Variants in CACNA2D4 observed in about 807,000 individuals in gnomAD.
CACNA2D4 encodes voltage-dependent calcium channel subunit alpha-2/delta-4.
A neutral mutation model predicts 163.8 loss-of-function variants in CACNA2D4; 157 were observed. That is an observed-to-expected ratio of 0.96 (90% CI 0.84 to 1.09). The LOEUF is 1.09. Among genes scored for constraint, CACNA2D4 ranks in the 50% least tolerant of loss-of-function variants. The probability of loss-of-function intolerance (pLI) is 0.00; values close to 1 mark genes in which losing one functional copy is unlikely to be tolerated. For synonymous variants in CACNA2D4, 598 were observed against 586.9 expected, an observed-to-expected ratio of 1.02 and a Z score of -0.27; for missense variants, 1,410 against 1,479.9, an observed-to-expected ratio of 0.95 and a Z score of 0.78.
intron 26 of CACNA2D4, 119 bp from the exon 27 acceptor site, chr12:1,811,842 G>T: frequency 2.0e-6 from 2 of 983,450 alleles, no homozygotes; most frequent in Non-Finnish European, 3.1e-6. Context: ...CGCAGCGGAT[G>T]GGAGGACTGA....
At chr12:1,915,714 T>A (rs968159139) in intron 1 of CACNA2D4, among the ~76,000 whole-genome samples, 1 of 152,212 alleles carries the variant, frequency 6.6e-6, no homozygotes, top group Non-Finnish European at 1.5e-5. Context: ...CTCTCGCCCA[T>A]GCCCCAGAAA....
At chr12:1,849,246 T>C (rs2154448080) in intron 23 of CACNA2D4, among the ~76,000 whole-genome samples, 1 of 152,348 alleles carries the variant, frequency 6.6e-6, no homozygotes, top group East Asian at 1.9e-4. Flanking sequence ...GAGTTCAAAT[T>C]GATATTTCTA....
chr12:1,839,733 C>G (rs1391804918), intron 26 of CACNA2D4, among the ~76,000 whole-genome samples: 4 of 152,186 alleles, frequency 2.6e-5, no homozygotes, highest in Admixed American at 2.6e-4. Flanking sequence ...GAGTCACAGT[C>G]CCACTTCCCT....
chr12:1,848,034 C>T lies in CACNA2D4; in HGVS notation c.2247-1345G>A, dbSNP rs189309933. Among the ~76,000 whole-genome samples the T allele has an allele frequency of 2.6e-5, 4 of 152,292 alleles. No individual in the cohort carries two copies. In the East Asian group the frequency reaches 7.7e-4, roughly 29 times the overall value. ...ATCTCTTATTTGTCTGTCTGTCTCTCTCTGTCTTTATTGAGATATCGTTCA... is the reference window on the plus strand; with the variant it reads ...ATCTCTTATTTGTCTGTCTGTCTCTTTCTGTCTTTATTGAGATATCGTTCA... On this transcript the variant is annotated intron_variant, in intron 23 of 37. Transcript: ENST00000382722.
intron 18 of CACNA2D4, among the ~76,000 whole-genome samples, chr12:1,872,734 C>A (rs557567545): frequency 6.6e-6 from 1 of 152,102 alleles, no homozygotes; most frequent in African/African-American, 2.4e-5. Context: ...GGCCCCACAC[C>A]AGCAAAATGC....
intron 34 of CACNA2D4, 31 bp from the exon 35 acceptor site, chr12:1,797,566 G>T: frequency 6.6e-7 from 1 of 1,511,106 alleles, no homozygotes; most frequent in Non-Finnish European, 9.0e-7. Flanking sequence ...TCACGCCACC[G>T]AAGGGGCCTC....
Position 1,828,356 on chromosome 12 carries a change from A to G in CACNA2D4, c.2551+12383T>C. On this transcript the variant is annotated intron_variant, in intron 26 of 37. Coordinates refer to ENST00000382722, the MANE Select transcript of CACNA2D4 (RefSeq NM_172364.5). The surrounding 1 kb of genome is among the most constrained non-coding windows in gnomAD (Gnocchi z 4.2). ...AGATCTTCCTGGGGTACCCGAGGCT[A>G]TGTTCTGGGAAGCCAGGGTCACGCC... The G allele has an allele frequency of 1.4e-6, 1 of 711,100 alleles. No homozygotes were observed. The allele number at this position is 711,100 out of a possible 1,614,324, so 44.0% of individuals were successfully genotyped here. A position where few individuals can be genotyped will look rare whatever the true frequency, so the allele number is the denominator to read the frequency against.
At chr12:1,915,903 A>AC (rs1407985326) in intron 1 of CACNA2D4, among the ~76,000 whole-genome samples, 1 of 152,178 alleles carries the variant, frequency 6.6e-6, no homozygotes, top group African/African-American at 2.4e-5. Context: ...GCCTGGAGCC[A>AC]CCCCACAGTC....
rs1865789652 is a variant in CACNA2D4 at position 1,871,663 on chromosome 12, C to T, written c.1878+2941G>A. Among the ~76,000 whole-genome samples, 3 of 149,846 alleles carry T rather than the reference C, an allele frequency of 2.0e-5. No individual in the cohort carries two copies. The South Asian group carries it at 6.4e-4, about 32-fold the overall frequency. ...TTACTGGTGTGTGTACACGTGTGTG[C>T]TGCTGGTATGTGTGTACACATGTGC... On this transcript the variant is annotated intron_variant, in intron 18 of 37. Coordinates refer to ENST00000382722, the MANE Select transcript of CACNA2D4 (RefSeq NM_172364.5).
chr12:1,819,014 AAAAG>A (rs1863990234), intron 26 of CACNA2D4, among the ~76,000 whole-genome samples: 1 of 151,722 alleles, frequency 6.6e-6, no homozygotes. Context: ...AAAAAAAAAA[AAAAG>A]GAAAGGAGAT....
intron 26 of CACNA2D4, among the ~76,000 whole-genome samples, chr12:1,821,675 A>G (rs1864108916): frequency 1.3e-5 from 2 of 152,156 alleles, no homozygotes; most frequent in Non-Finnish European, 2.9e-5. Context: ...CACAGGGGGC[A>G]TGGACACCCT....
intron 26 of CACNA2D4, chr12:1,835,526 C>T (rs989133135): frequency 2.6e-5 from 4 of 152,576 alleles, no homozygotes; most frequent in African/African-American, 9.6e-5. Context: ...CCTGAGACCA[C>T]AGAGCCTCTC....
intron 27 of CACNA2D4, among the ~76,000 whole-genome samples, 174 bp downstream of exon 27, chr12:1,811,488 G>A (rs1295202214): frequency 6.6e-6 from 1 of 152,210 alleles, no homozygotes; most frequent in Admixed American, 6.5e-5. Context: ...CTGGGGACCA[G>A]CGCTGAGGCC....
intron 26 of CACNA2D4, among the ~76,000 whole-genome samples, chr12:1,817,965 C>T (rs1863936440): frequency 6.6e-6 from 1 of 151,404 alleles, no homozygotes; most frequent in Non-Finnish European, 1.5e-5. Context: ...ATGTGAGGAG[C>T]CTCTCTGTCT....
intron 27 of CACNA2D4, among the ~76,000 whole-genome samples, chr12:1,810,879 G>A (rs1863683772): frequency 6.6e-6 from 1 of 152,224 alleles, no homozygotes; most frequent in Non-Finnish European, 1.5e-5. Context: ...GTATGCATGT[G>A]GTATGTGGCC....
At chr12:1,896,218 G>A (rs2263027) in intron 6 of CACNA2D4, among the ~76,000 whole-genome samples, 138,379 of 152,222 alleles carry the variant, frequency 0.91, 63,025 homozygotes, top group East Asian at 1. Context: ...ACAGGCAACA[G>A]AAACAAAACA....
chr12:1,917,781 G>A lies in CACNA2D4; in HGVS notation c.227+466C>T, dbSNP rs151098553. On this transcript the variant is annotated intron_variant, in intron 1 of 37. Transcript: ENST00000382722. The surrounding 1 kb of genome is among the most constrained non-coding windows in gnomAD (Gnocchi z 4.3). Reference sequence around the variant, plus strand: ...TTCCTGGACAAGCCACCTCCTGTGCGCATGAGACGTTCTGTGGGTTCAGAA... The same window carrying A: ...TTCCTGGACAAGCCACCTCCTGTGCACATGAGACGTTCTGTGGGTTCAGAA... Among the ~76,000 whole-genome samples the A allele has an allele frequency of 6.6e-6, 1 of 152,316 alleles. No homozygotes were observed. The highest frequency in any genetic ancestry group is 1.9e-4 in the East Asian group (1 of 5,188).
chr12:1,798,379 A>T lies in CACNA2D4; in HGVS notation c.2996-844T>A, dbSNP rs1457103406. Among the ~76,000 whole-genome samples the T allele has an allele frequency of 6.6e-6, 1 of 152,148 alleles. No homozygotes were observed. The highest frequency in any genetic ancestry group is 1.5e-5 in the Non-Finnish European group (1 of 67,996). ...AGGTGTGAGCTACCTTCCCAGGCTC[A>T]TGCAGAGTCCTACAGGAGAGCATGG... On this transcript the variant is annotated intron_variant, in intron 34 of 37. Coordinates refer to ENST00000382722, the MANE Select transcript of CACNA2D4 (RefSeq NM_172364.5). The surrounding 1 kb of genome is among the most constrained non-coding windows in gnomAD (Gnocchi z 4.3).
chr12:1,884,115 T>A, intron 12 of CACNA2D4, 128 bp downstream of exon 12: 1 of 708,946 alleles, frequency 1.4e-6, no homozygotes, highest in Non-Finnish European at 2.4e-6. Context: ...GAGGCTGCTG[T>A]TCTTGACATA....
Sources: gnomAD v4.1 joint callset for allele counts (sites outside exome capture counted in the v4.1 genomes callset) on GRCh38, gnomAD v4.1.1 for gene constraint, Gnocchi (gnomAD v3.1) non-coding constraint, MANE v1.5 for transcripts, NCBI Gene and HGNC (gene_info 2026-07-23, HGNC 2026-07-21) for gene names.